Variants in SYNPO2 observed in about 807,000 individuals in gnomAD.
The protein encoded by SYNPO2 is synaptopodin-2.
In SYNPO2, 56 loss-of-function variants were observed where a neutral mutation model predicts 85.0. That is an observed-to-expected ratio of 0.66 (90% CI 0.53 to 0.82). The LOEUF (loss-of-function observed/expected upper bound fraction) is 0.82. Ranked by LOEUF, SYNPO2 falls within the 40% of genes least tolerant of loss-of-function variation. SYNPO2 has a pLI of 0.00. For missense variants in SYNPO2, 1,575 were observed against 1,534.2 expected (o/e 1.03, Z -0.44); for synonymous variants, 602 against 591.1 (o/e 1.02, Z -0.27).
intron 1 of SYNPO2, among the ~76,000 whole-genome samples, chr4:118,985,564 G>A (rs1487505681): frequency 2.0e-5 from 3 of 152,210 alleles, no homozygotes; most frequent in Non-Finnish European, 4.4e-5. Flanking sequence ...ATTGAGACTT[G>A]CCTAAGCCAC....
chr4:118,899,546 A>G (rs373184726), intron 1 of SYNPO2, among the ~76,000 whole-genome samples: 2 of 152,204 alleles, frequency 1.3e-5, no homozygotes, highest in South Asian at 4.1e-4. Flanking sequence ...AGCTGAAATG[A>G]TAATCTCTTA....
intron 1 of SYNPO2, among the ~76,000 whole-genome samples, chr4:118,915,332 C>A (rs752382168): frequency 2.0e-5 from 3 of 152,104 alleles, no homozygotes; most frequent in African/African-American, 7.2e-5. Flanking sequence ...ATTCTGAATT[C>A]TATTCCATTA....
intron 2 of SYNPO2, among the ~76,000 whole-genome samples, chr4:119,024,645 T>G (rs1737862938): frequency 6.6e-6 from 1 of 151,798 alleles, no homozygotes; most frequent in African/African-American, 2.4e-5. Context: ...AATAAGTTTA[T>G]AAAATACATA....
At chr4:118,883,076 T>C (rs1379586546) in intron 1 of SYNPO2, among the ~76,000 whole-genome samples, 1 of 151,154 alleles carries the variant, frequency 6.6e-6, no homozygotes, top group African/African-American at 2.4e-5. Flanking sequence ...TTTTTTTTTT[T>C]AAAGGCCTTT....
At chr4:118,920,792 A>G (rs1309099801) in intron 1 of SYNPO2, among the ~76,000 whole-genome samples, 3 of 152,120 alleles carry the variant, frequency 2.0e-5, no homozygotes, top group African/African-American at 4.8e-5. Context: ...TTGGACACCA[A>G]TCATATAATA....
chr4:118,942,096 C>T (rs887136541), intron 1 of SYNPO2, among the ~76,000 whole-genome samples: 5 of 152,126 alleles, frequency 3.3e-5, no homozygotes, highest in African/African-American at 4.8e-5. Context: ...GAATACTGGA[C>T]GGCAAGTTAT....
chr4:118,960,960 G>A (rs767287094), intron 1 of SYNPO2, among the ~76,000 whole-genome samples: 90 of 151,932 alleles, frequency 5.9e-4, no homozygotes, highest in East Asian at 5.8e-4. Context: ...ACCTTTCTCC[G>A]CAGAAGCTAG....
chr4:119,050,734 ATATT>A (rs1739012725), intron 4 of SYNPO2, among the ~76,000 whole-genome samples: 1 of 152,192 alleles, frequency 6.6e-6, no homozygotes, highest in Non-Finnish European at 1.5e-5. Context: ...TGCATGCATT[ATATT>A]GGGCCAGCTA....
chr4:118,974,439 C>G (rs1735649188), intron 1 of SYNPO2, among the ~76,000 whole-genome samples: 1 of 152,252 alleles, frequency 6.6e-6, no homozygotes, highest in Non-Finnish European at 1.5e-5. Flanking sequence ...GGATTTCTTG[C>G]CAGATTAGGT....
intron 1 of SYNPO2, among the ~76,000 whole-genome samples, chr4:118,972,688 G>A (rs951284882): frequency 6.6e-6 from 1 of 152,144 alleles, no homozygotes; most frequent in African/African-American, 2.4e-5. Context: ...CAGGTTTACA[G>A]AGTCAGCAAG....
At chr4:119,043,403 C>T (rs1445601872) in intron 4 of SYNPO2, 1 of 152,058 alleles carries the variant, frequency 6.6e-6, no homozygotes, top group Non-Finnish European at 1.5e-5. Flanking sequence ...GTAAATTCAT[C>T]AATGCATTTG....
At chr4:118,883,576 G>A (rs1220445607) in intron 1 of SYNPO2, among the ~76,000 whole-genome samples, 1 of 152,044 alleles carries the variant, frequency 6.6e-6, no homozygotes, top group East Asian at 1.9e-4. Context: ...ATGAATAAAT[G>A]GTAGTATAAA....
chr4:118,937,899 T>C (rs1056273431), intron 1 of SYNPO2, among the ~76,000 whole-genome samples: 4 of 152,232 alleles, frequency 2.6e-5, no homozygotes, highest in African/African-American at 9.6e-5. Context: ...AGTATTTTCA[T>C]ATAACCTATA....
At chr4:119,036,820 A>C in intron 4 of SYNPO2, 2 of 1,035,698 alleles carry the variant, frequency 1.9e-6, no homozygotes, top group Non-Finnish European at 2.3e-6. Flanking sequence ...AGCACTACTC[A>C]GAGGCAATTG....
chr4:119,023,772 A>G (rs2149185842), intron 2 of SYNPO2, among the ~76,000 whole-genome samples, 191 bp downstream of exon 2: 1 of 152,330 alleles, frequency 6.6e-6, no homozygotes, highest in Middle Eastern at 3.4e-3. Flanking sequence ...TTTCTGGTTA[A>G]TTGAGAATTA....
intron 1 of SYNPO2, among the ~76,000 whole-genome samples, chr4:118,855,354 T>G (rs1490705857): frequency 6.6e-6 from 1 of 152,110 alleles, no homozygotes; most frequent in Non-Finnish European, 1.5e-5. Flanking sequence ...CTTGACGAAT[T>G]ATTTATTGAA....
At chr4:118,974,881 A>C (rs1735665455) in intron 1 of SYNPO2, among the ~76,000 whole-genome samples, 1 of 152,194 alleles carries the variant, frequency 6.6e-6, no homozygotes, top group Non-Finnish European at 1.5e-5. Flanking sequence ...TTGTTTTTGC[A>C]GAACTTTAAT....
In SYNPO2 at chr4:118,959,574, A is replaced by G. The variant is rs1387956355; in HGVS notation, c.106-63856A>G. Among the ~76,000 whole-genome samples, 6 of 152,204 alleles carry G rather than the reference A, an allele frequency of 3.9e-5. 1 individual carries two copies. Among genetic ancestry groups the G allele is most frequent in the African/African-American group, 1.4e-4 (6 of 41,464 alleles). On this transcript the variant is annotated intron_variant, in intron 1 of 4. Transcript: ENST00000307142. ...CACTGTAAACATTTATTTCAATTCAAGGAGTATTTGTGTACTTTCTCTGGG... is the reference window on the plus strand; with the variant it reads ...CACTGTAAACATTTATTTCAATTCAGGGAGTATTTGTGTACTTTCTCTGGG...
At chr4:118,855,117 A>G (rs1048078184) in intron 1 of SYNPO2, among the ~76,000 whole-genome samples, 10 of 130,624 alleles carry the variant, frequency 7.7e-5, no homozygotes, top group African/African-American at 2.5e-4. Context: ...ATTTATTTTT[A>G]CTAAAGCAAA....
Sources: gnomAD v4.1 joint callset for allele counts (sites outside exome capture counted in the v4.1 genomes callset) on GRCh38, gnomAD v4.1.1 for gene constraint, MANE v1.5 for transcripts, NCBI Gene and HGNC (gene_info 2026-07-23, HGNC 2026-07-21) for gene names.